Variants in NAALADL2 observed in about 807,000 individuals in gnomAD.
NAALADL2 encodes N-acetylated alpha-linked acidic dipeptidase like 2.
In NAALADL2, 76 loss-of-function variants were observed where a neutral mutation model predicts 87.2. That is an observed-to-expected ratio of 0.87 (90% confidence interval 0.72 to 1.05). The LOEUF is 1.05. Ranked by LOEUF, NAALADL2 falls within the 50% of genes least tolerant of loss-of-function variation. NAALADL2 has a pLI of 0.00. For synonymous variants in NAALADL2, 354 were observed against 331.0 expected, an observed-to-expected ratio of 1.07 and a Z score of -0.75; for missense variants, 1,089 against 945.8, an observed-to-expected ratio of 1.15 and a Z score of -1.99.
chr3:175,793,272 C>CA (rs36163802), intron 13 of NAALADL2, among the ~76,000 whole-genome samples: 24,925 of 143,858 alleles, frequency 0.17, 2,280 homozygotes, highest in Middle Eastern at 0.19. Context: ...AGGCAAGATT[C>CA]AAAAAAAACT....
chr3:175,086,171 T>G, intron 1 of NAALADL2, among the ~76,000 whole-genome samples: 1 of 152,224 alleles, frequency 6.6e-6, no homozygotes, highest in East Asian at 1.9e-4. Context: ...AACATAGTCT[T>G]TGTTTTGACA....
intron 5 of NAALADL2, among the ~76,000 whole-genome samples, chr3:175,351,399 A>G (rs145638408): frequency 0.022 from 3,319 of 152,200 alleles, 46 homozygotes; most frequent in Non-Finnish European, 0.032. Context: ...ATATATATAC[A>G]TATATGATAA....
At chr3:175,021,019 A>G (rs1751487952) in intron 1 of NAALADL2, among the ~76,000 whole-genome samples, 1 of 152,098 alleles carries the variant, frequency 6.6e-6, no homozygotes, top group Non-Finnish European at 1.5e-5. Context: ...ATAAAACATG[A>G]CAAAATTCTT....
intron 5 of NAALADL2, among the ~76,000 whole-genome samples, chr3:175,428,215 A>G (rs1249065772): frequency 1.3e-5 from 2 of 152,072 alleles, no homozygotes; most frequent in Admixed American, 1.3e-4. Context: ...CTGTACCTTG[A>G]CTTCTGTACA....
At chr3:175,514,462 G>A (rs530456047) in intron 9 of NAALADL2, among the ~76,000 whole-genome samples, 1 of 152,106 alleles carries the variant, frequency 6.6e-6, no homozygotes, top group East Asian at 1.9e-4. Context: ...ACATTTTAGG[G>A]GACATTATGT....
chr3:175,748,360 A>G (rs1261537378), intron 12 of NAALADL2, among the ~76,000 whole-genome samples: 1 of 152,178 alleles, frequency 6.6e-6, no homozygotes, highest in Non-Finnish European at 1.5e-5. Context: ...CATATTGGCA[A>G]TTTCTTTTAT....
intron 13 of NAALADL2, among the ~76,000 whole-genome samples, chr3:175,781,629 G>A (rs138908783): frequency 3.0e-4 from 44 of 146,266 alleles, no homozygotes; most frequent in African/African-American, 1.0e-3. Context: ...CTGGGCTAAT[G>A]TGTTTGTTTG....
intron 2 of NAALADL2, among the ~76,000 whole-genome samples, chr3:174,610,470 A>T (rs1271585641): frequency 6.6e-6 from 1 of 152,100 alleles, no homozygotes; most frequent in Non-Finnish European, 1.5e-5. Flanking sequence ...AATTTACAAG[A>T]AAAAAACAAA....
intron 11 of NAALADL2, chr3:175,676,493 T>A (rs1192993413): frequency 6.6e-6 from 1 of 152,210 alleles, no homozygotes; most frequent in African/African-American, 2.4e-5. Flanking sequence ...GTTTTGCAAA[T>A]TACATCCATG....
chr3:175,191,805 C>G (rs1738251176), intron 2 of NAALADL2, among the ~76,000 whole-genome samples: 1 of 152,108 alleles, frequency 6.6e-6, no homozygotes, highest in Non-Finnish European at 1.5e-5. Context: ...GTGGAAAACA[C>G]AAAACTAATT....
At chr3:174,887,552 T>C (rs1350882674) in intron 1 of NAALADL2, among the ~76,000 whole-genome samples, 2 of 152,138 alleles carry the variant, frequency 1.3e-5, no homozygotes, top group Non-Finnish European at 2.9e-5. Flanking sequence ...CCCAGCAATT[T>C]TGGAATCTGA....
At chr3:174,743,211 A>G (rs1297933963) in intron 3 of NAALADL2, among the ~76,000 whole-genome samples, 1 of 151,720 alleles carries the variant, frequency 6.6e-6, no homozygotes, top group African/African-American at 2.4e-5. Flanking sequence ...TCCACTTTAT[A>G]TCTACAGGCT....
chr3:175,555,389 A>G (rs113944738), intron 9 of NAALADL2, among the ~76,000 whole-genome samples: 106 of 152,256 alleles, frequency 7.0e-4, no homozygotes, highest in Admixed American at 9.8e-4. Context: ...CCTCTTTGCT[A>G]TTGCCACAGA....
chr3:174,786,343 C>A (rs373136513), intron 3 of NAALADL2, among the ~76,000 whole-genome samples: 3 of 150,868 alleles, frequency 2.0e-5, no homozygotes, highest in African/African-American at 7.3e-5. Flanking sequence ...CCCCGATACT[C>A]GGGAGGCTGA....
In NAALADL2 at chr3:175,361,062, C is replaced by T. The variant is rs1764951221; in HGVS notation, c.1090+36737C>T. ...GGCCCCAGTGTGTGATGTTCCCCAT[C>T]CTGTGTCCAAGTGTTCTCATTGTTC... is the stretch of plus-strand genomic sequence containing the variant. On this transcript the variant is annotated intron_variant, in intron 5 of 13. Coordinates refer to ENST00000454872, the MANE Select transcript of NAALADL2 (RefSeq NM_207015.3). Among the ~76,000 whole-genome samples, 10 of 151,048 alleles carry T rather than the reference C, an allele frequency of 6.6e-5. No homozygotes were observed. In the South Asian group the frequency reaches 2.1e-3, roughly 32 times the overall value.
intron 11 of NAALADL2, among the ~76,000 whole-genome samples, chr3:175,658,910 T>C (rs926762148): frequency 1.3e-5 from 2 of 152,050 alleles, no homozygotes; most frequent in Non-Finnish European, 2.9e-5. Flanking sequence ...TCTCCAAAGA[T>C]ACTAGGTACA....
intron 9 of NAALADL2, among the ~76,000 whole-genome samples, chr3:175,518,636 C>T (rs375996717): frequency 3.3e-4 from 51 of 152,292 alleles, no homozygotes; most frequent in African/African-American, 1.1e-3. Context: ...CAGGGCATCA[C>T]ATGGTGTGGG....
At chr3:175,791,857 A>C (rs1408573441) in intron 13 of NAALADL2, among the ~76,000 whole-genome samples, 1 of 150,200 alleles carries the variant, frequency 6.7e-6, no homozygotes, top group African/African-American at 2.5e-5. Flanking sequence ...ACCCTCTTCA[A>C]CCCTCTAATA....
chr3:175,051,285 G>A (rs183073944), intron 1 of NAALADL2, among the ~76,000 whole-genome samples: 244 of 152,272 alleles, frequency 1.6e-3, no homozygotes, highest in Middle Eastern at 0.014. Context: ...AACTTAGTGG[G>A]TTAAACAATA....
Sources: gnomAD v4.1 joint callset for allele counts (sites outside exome capture counted in the v4.1 genomes callset) on GRCh38, gnomAD v4.1.1 for gene constraint, MANE v1.5 for transcripts, NCBI Gene and HGNC (gene_info 2026-07-23, HGNC 2026-07-21) for gene names.